The following KCNK3 variants were observed in gnomAD, a reference collection of about 807,000 sequenced individuals.
The protein encoded by KCNK3 is potassium channel subfamily K member 3.
In KCNK3, 9 loss-of-function variants were observed where a neutral mutation model predicts 27.3. The observed-to-expected ratio is 0.33, with a 90% CI of 0.20 to 0.57. KCNK3 has a LOEUF of 0.57. Among genes scored for constraint, KCNK3 ranks in the 20% least tolerant of loss-of-function variants. KCNK3 has a pLI of 0.87. For synonymous variants in KCNK3, 278 were observed against 273.8 expected (o/e 1.02, Z -0.15); for missense variants, 391 against 577.7 (o/e 0.68, Z 3.31).
intron 1 of KCNK3, among the ~76,000 whole-genome samples, chr2:26,705,229 A>G (rs1731247): frequency 0.73 from 111,372 of 152,100 alleles, 41,391 homozygotes; most frequent in African/African-American, 0.8. Flanking sequence ...AAAGTTCTGG[A>G]ATTACAGGTG....
chr2:26,707,158 C>G (rs1481836458), intron 1 of KCNK3, among the ~76,000 whole-genome samples: 2 of 152,150 alleles, frequency 1.3e-5, no homozygotes, highest in Admixed American at 1.3e-4. Flanking sequence ...TGAGTGTGGC[C>G]GAGGTCCTGC....
chr2:26,710,798 A>T (rs1337784330), intron 1 of KCNK3, among the ~76,000 whole-genome samples: 1 of 152,142 alleles, frequency 6.6e-6, no homozygotes, highest in African/African-American at 2.4e-5. Context: ...AGATGAATAG[A>T]GCAGACCCAA....
chr2:26,714,005 G>A (rs187458806), intron 1 of KCNK3, among the ~76,000 whole-genome samples: 94 of 152,046 alleles, frequency 6.2e-4, no homozygotes, highest in African/African-American at 2.2e-3. Flanking sequence ...GAATCCAAGA[G>A]GCAGAGGTTG....
intron 1 of KCNK3, among the ~76,000 whole-genome samples, chr2:26,715,646 G>A (rs1478330638): frequency 6.6e-6 from 1 of 152,218 alleles, no homozygotes; most frequent in Non-Finnish European, 1.5e-5. Flanking sequence ...GCAGGGACAC[G>A]TGGCCATCTC....
chr2:26,709,101 T>C (rs571795561), intron 1 of KCNK3, among the ~76,000 whole-genome samples: 5 of 152,222 alleles, frequency 3.3e-5, no homozygotes, highest in African/African-American at 1.2e-4. Context: ...AGGATGTGCA[T>C]TTACTAGATG....
At chr2:26,701,268 C>T (rs184783095) in intron 1 of KCNK3, among the ~76,000 whole-genome samples, 1 of 152,308 alleles carries the variant, frequency 6.6e-6, no homozygotes, top group Non-Finnish European at 1.5e-5. Context: ...GAGCTGTGGC[C>T]GCTTCCCTGA....
chr2:26,720,675 G>C (rs1433288867), intron 1 of KCNK3, among the ~76,000 whole-genome samples: 1 of 152,118 alleles, frequency 6.6e-6, no homozygotes, highest in Non-Finnish European at 1.5e-5. Flanking sequence ...AGAGTGGGGA[G>C]TCCAGGAGGA....
Position 26,694,474 on chromosome 2 carries a change from C to T in KCNK3, c.283+1316C>T, listed in dbSNP as rs137917724. Among the ~76,000 whole-genome samples the T allele has an allele frequency of 3.7e-4, 56 of 152,262 alleles. 1 individual carries two copies. The East Asian group carries it at 0.01, about 27-fold the overall frequency. Reference sequence around the variant, plus strand: ...AAGGCAGGACTAGACACTCTTCCTGCGGTCTATCCACTGCAGGACACTGTT... The same window carrying T: ...AAGGCAGGACTAGACACTCTTCCTGTGGTCTATCCACTGCAGGACACTGTT... On this transcript the variant is annotated intron_variant, in intron 1 of 1. Transcript: ENST00000302909.
intron 1 of KCNK3, among the ~76,000 whole-genome samples, chr2:26,719,542 C>T (rs1262465375): frequency 2.0e-5 from 3 of 152,194 alleles, no homozygotes; most frequent in Non-Finnish European, 2.9e-5. Context: ...TCTTAAATCC[C>T]TCCTAAAACA....
At chr2:26,699,561 T>C (rs902395674) in intron 1 of KCNK3, among the ~76,000 whole-genome samples, 5 of 152,230 alleles carry the variant, frequency 3.3e-5, no homozygotes, top group African/African-American at 7.2e-5. Context: ...AATCTGTGAG[T>C]TGATTTTGTA....
Position 26,730,462 on chromosome 2 carries a change from T to A in KCNK3, c.*1894T>A, listed in dbSNP as rs544128367. The A allele has an allele frequency of 2.0e-5, 3 of 152,396 alleles. No homozygotes were observed. In the East Asian group the frequency reaches 5.8e-4, roughly 29 times the overall value. 9.4% of individuals were successfully genotyped at this position (152,396 alleles called of 1,614,324 possible). ...TGGGGCCCCACAGCTGGAGCCGGTA[T>A]AATGACTGGGACAACATCAAGGGGT... On this transcript the variant is annotated 3_prime_UTR_variant, in exon 2 of 2. Coordinates refer to ENST00000302909, the MANE Select transcript of KCNK3 (RefSeq NM_002246.3).
At chr2:26,715,353 C>T (rs796873511) in intron 1 of KCNK3, among the ~76,000 whole-genome samples, 6 of 152,346 alleles carry the variant, frequency 3.9e-5, no homozygotes, top group African/African-American at 1.4e-4. Flanking sequence ...ACTACGGCTG[C>T]TTTTGTTGTT....
chr2:26,705,364 T>G (rs927140698), intron 1 of KCNK3, among the ~76,000 whole-genome samples: 9 of 152,054 alleles, frequency 5.9e-5, no homozygotes, highest in African/African-American at 2.2e-4. Context: ...AGAACACGGA[T>G]ATGTTAAGCA....
rs1253925488 is a variant in KCNK3, at chr2:26,731,767, G to A, written c.*3199G>A. Reference sequence around the variant, plus strand: ...TGGTCCTATTGTCCCCCCCGTACATGAGTAACTGAGGCCCACAGAGAGCAA... The same window carrying A: ...TGGTCCTATTGTCCCCCCCGTACATAAGTAACTGAGGCCCACAGAGAGCAA... On this transcript the variant is annotated 3_prime_UTR_variant, in exon 2 of 2. Transcript: ENST00000302909. The A allele has an allele frequency of 6.6e-6, 1 of 152,190 alleles. No homozygotes were observed. The highest frequency in any genetic ancestry group is 1.9e-4 in the East Asian group (1 of 5,202). 9.4% of individuals were successfully genotyped at this position (152,190 alleles called of 1,614,324 possible).
chr2:26,728,421 G>T lies in KCNK3; in HGVS notation c.1038G>T (p.Ser346=), dbSNP rs202132140. The change falls in exon 2 of 2, where the codon TCG becomes TCT. Residue 346 remains serine (S), a synonymous_variant. Coordinates refer to ENST00000302909, the MANE Select transcript of KCNK3 (RefSeq NM_002246.3). ...SDTCVEQSHS[S]PGGGGRYSDT... The stretch of plus-strand genomic sequence containing the variant: ...CGTGCGTGGAGCAGAGCCACTCGTC[G>T]CCGGGAGGGGGCGGCCGCTACAGCG... The T allele has an allele frequency of 1.1e-5, 17 of 1,592,816 alleles. No individual in the cohort carries two copies. The highest frequency in any genetic ancestry group is 1.5e-5 in the Non-Finnish European group (17 of 1,166,402).
Position 26,728,296 on chromosome 2 carries a change from C to A in KCNK3, c.913C>A (p.His305Asn), listed in dbSNP as rs2148038840. The part of the protein sequence containing the change: ...GFRNVYAEVL[H>N]FQSMCSCLWY... ...CCGCAACGTCTACGCGGAGGTGCTG[C>A]ACTTCCAGTCCATGTGCTCGTGCCT... Residue 305 changes from histidine (H) to asparagine (N), a missense_variant, in exon 2 of 2, where the codon CAC becomes AAC. This residue lies in a region of KCNK3 where 192 missense variants were observed against 196.0 expected (regional missense o/e 0.98). Transcript: ENST00000302909. 1 of 1,599,628 alleles carries A rather than the reference C, an allele frequency of 6.3e-7. No homozygotes were observed. The highest frequency in any genetic ancestry group is 1.7e-5 in the Admixed American group (1 of 58,684).
chr2:26,712,317 C>T (rs1663133282), intron 1 of KCNK3, among the ~76,000 whole-genome samples: 1 of 152,140 alleles, frequency 6.6e-6, no homozygotes, highest in South Asian at 2.1e-4. Context: ...GTCAAGCAAC[C>T]GAAGGCTTGT....
At chr2:26,703,770 C>T (rs549817135) in intron 1 of KCNK3, among the ~76,000 whole-genome samples, 1 of 152,318 alleles carries the variant, frequency 6.6e-6, no homozygotes, top group African/African-American at 2.4e-5. Context: ...AATCCAAGTA[C>T]AGTGACCCAA....
intron 1 of KCNK3, among the ~76,000 whole-genome samples, chr2:26,718,841 C>G (rs1359194252): frequency 1.3e-5 from 2 of 152,158 alleles, no homozygotes; most frequent in Non-Finnish European, 2.9e-5. Context: ...TTCCTGGGCT[C>G]AAGCGATCCT....
Sources: allele counts gnomAD v4.1 joint callset (sites outside exome capture counted in the v4.1 genomes callset), GRCh38; gene constraint gnomAD v4.1.1; regional missense constraint gnomAD v4.1.1; transcripts MANE v1.5; gene names NCBI Gene and HGNC (gene_info 2026-07-23, HGNC 2026-07-21).